The following NSD1 variants were observed in gnomAD, a reference collection of about 807,000 sequenced individuals.
The protein encoded by NSD1 is histone-lysine N-methyltransferase, H3 lysine-36 specific.
A neutral mutation model predicts 242.7 loss-of-function variants in NSD1; 26 were observed. That is an observed-to-expected ratio of 0.11 (90% CI 0.08 to 0.15). The LOEUF is 0.15. NSD1 is among the 10% of genes least tolerant of loss of function. The probability of loss-of-function intolerance (pLI) is 1.00; values close to 1 mark genes in which losing one functional copy is unlikely to be tolerated. For synonymous variants in NSD1, 1,106 were observed against 1,178.1 expected (o/e 0.94, Z 1.25); for missense variants, 2,495 against 3,272.8 (o/e 0.76, Z 5.80).
Position 177,256,980 on chromosome 5 carries a change from A to C in NSD1, c.4795A>C (p.Ser1599Arg). 1 of 1,614,062 alleles carries C rather than the reference A, an allele frequency of 6.2e-7. No homozygotes were observed. Among genetic ancestry groups the C allele is most frequent in the Non-Finnish European group, 8.5e-7 (1 of 1,179,982 alleles). ...GIHTCFVCKQ[S>R]GEDVKRCLLP... ...CCATACCTGTTTTGTATGTAAGCAGAGTGGGGAAGATGTTAAAAGGTGCCT... is the reference window on the plus strand; with the variant it reads ...CCATACCTGTTTTGTATGTAAGCAGCGTGGGGAAGATGTTAAAAGGTGCCT... Residue 1599 changes from serine to arginine, a missense_variant, in exon 13 of 23, where the codon AGT becomes CGT. By Grantham distance (110) the Ser-to-Arg change is moderately radical. Around this residue, in one of 19 missense-constraint regions of NSD1, gnomAD observed 27 missense variants for 43.1 expected, o/e 0.63. Coordinates refer to ENST00000439151, the MANE Select transcript of NSD1 (RefSeq NM_022455.5).
intron 2 of NSD1, 160 bp downstream of exon 2, chr5:177,136,190 TA>T: frequency 1.6e-6 from 1 of 641,700 alleles, no homozygotes; most frequent in Non-Finnish European, 2.7e-6. Context: ...CTTTGATTTT[TA>T]AATTTATCTC....
rs2149821331 is a variant in NSD1 at position 177,191,957 on chromosome 5, G to A, written c.1001G>A (p.Arg334His). The A allele has an allele frequency of 1.2e-6, 2 of 1,614,080 alleles. No homozygotes were observed. The highest frequency in any genetic ancestry group is 1.7e-6 in the Non-Finnish European group (2 of 1,179,974). Residue 334 changes from arginine to histidine, a missense_variant, in exon 3 of 23, where the codon CGC (arginine) becomes CAC (histidine). Transcript: ENST00000439151. ...GDLIWAKFKR[R>H]PWWPCRICSD... Reference sequence around the variant, plus strand: ...CTCATCTGGGCAAAATTCAAGAGACGCCCATGGTGGCCCTGCAGGATTTGT... The same window carrying A: ...CTCATCTGGGCAAAATTCAAGAGACACCCATGGTGGCCCTGCAGGATTTGT...
intron 4 of NSD1, among the ~76,000 whole-genome samples, chr5:177,209,256 G>T (rs1024610053): frequency 6.6e-6 from 1 of 151,632 alleles, no homozygotes; most frequent in Non-Finnish European, 1.5e-5. Flanking sequence ...GGCCGGGTGC[G>T]GTGGCTCATA....
chr5:177,174,222 G>A (rs1377709327), intron 2 of NSD1, among the ~76,000 whole-genome samples: 1 of 152,106 alleles, frequency 6.6e-6, no homozygotes, highest in Admixed American at 6.5e-5. Flanking sequence ...AAAATTAGCA[G>A]GGCGTGGTGG....
upstream of NSD1, among the ~76,000 whole-genome samples, chr5:177,132,814 G>C (rs1755966846): frequency 6.6e-6 from 1 of 152,060 alleles, no homozygotes; most frequent in African/African-American, 2.4e-5. This position sits in a 1 kb window ranked among gnomAD's most constrained non-coding sequence, Gnocchi z 7.5. Flanking sequence ...ATGGGGGGAG[G>C]GGGAAGGGAA....
chr5:177,288,734 T>G, intron 20 of NSD1, 85 bp from the exon 21 acceptor site: 1 of 949,892 alleles, frequency 1.1e-6, no homozygotes, highest in South Asian at 1.3e-5. Flanking sequence ...ATCTGTTCTC[T>G]TGGGAGTTGG....
chr5:177,238,651 G>T lies in NSD1; in HGVS notation c.4192+144G>T, dbSNP rs1390197331. On this transcript the variant is annotated intron_variant, in intron 7 of 22. Transcript: ENST00000439151. The surrounding 1 kb of genome is among the most constrained non-coding windows in gnomAD (Gnocchi z 4.6). ...GTCCTGGGAAATACTTAAAATGATG[G>T]TTAATTAGATATAGTTACTAACCAT... 30 of 912,918 alleles carry T rather than the reference G, an allele frequency of 3.3e-5. No homozygotes were observed. Among genetic ancestry groups the T allele is most frequent in the Non-Finnish European group, 4.3e-5 (25 of 578,468 alleles). 56.6% of individuals were successfully genotyped at this position (912,918 alleles called of 1,614,324 possible). A position where few individuals can be genotyped will look rare whatever the true frequency, so the allele number is the denominator to read the frequency against.
chr5:177,293,747 A>G, intron 22 of NSD1, 85 bp from the exon 23 acceptor site: 1 of 1,467,074 alleles, frequency 6.8e-7, no homozygotes, highest in Non-Finnish European at 9.5e-7. Flanking sequence ...GTCATCATCC[A>G]CACCTTCGGA....
intron 2 of NSD1, among the ~76,000 whole-genome samples, chr5:177,183,547 C>T (rs993604746): frequency 1.3e-5 from 2 of 152,090 alleles, no homozygotes; most frequent in Non-Finnish European, 2.9e-5. Context: ...TATTTTGGTA[C>T]AGACATGCAA....
At chr5:177,161,859 C>G (rs528990363) in intron 2 of NSD1, among the ~76,000 whole-genome samples, 19 of 151,946 alleles carry the variant, frequency 1.3e-4, no homozygotes, top group African/African-American at 4.6e-4. Context: ...CCATGTTGGC[C>G]GGGCTGTTCT....
chr5:177,195,100 C>A (rs1194269694), intron 3 of NSD1, among the ~76,000 whole-genome samples: 2 of 151,830 alleles, frequency 1.3e-5, no homozygotes, highest in African/African-American at 4.8e-5. Flanking sequence ...TGGAGGTTGC[C>A]GTGATCCAAG....
Position 177,294,577 on chromosome 5 carries a change from A to T in NSD1, c.7209A>T (p.Ser2403=). 1 of 1,614,220 alleles carries T rather than the reference A, an allele frequency of 6.2e-7. No individual in the cohort carries two copies. Among genetic ancestry groups the T allele is most frequent in the Non-Finnish European group, 8.5e-7 (1 of 1,180,040 alleles). The change falls in exon 23 of 23, where the codon TCA becomes TCT. Residue 2403 remains serine, a synonymous_variant. Transcript: ENST00000439151. ...LITSSPKPQT[S]DRPTDKPHAS... is the part of the protein sequence containing the mutation. Reference sequence around the variant, plus strand: ...CTAGCAGTCCCAAACCCCAGACTTCAGACAGGCCTACTGACAAACCCCATG... The same window carrying T: ...CTAGCAGTCCCAAACCCCAGACTTCTGACAGGCCTACTGACAAACCCCATG...
At chr5:177,173,490 T>C (rs1263703352) in intron 2 of NSD1, among the ~76,000 whole-genome samples, 40 of 140,864 alleles carry the variant, frequency 2.8e-4, no homozygotes, top group African/African-American at 1.0e-3. Context: ...TTTTTTTTTT[T>C]GCGACGGAGT....
chr5:177,141,565 A>T (rs1756825874), intron 2 of NSD1, among the ~76,000 whole-genome samples: 1 of 151,582 alleles, frequency 6.6e-6, no homozygotes, highest in Non-Finnish European at 1.5e-5. Flanking sequence ...CCTAACCTCA[A>T]GTGATCCACC....
intron 22 of NSD1, among the ~76,000 whole-genome samples, chr5:177,293,361 T>C (rs1759997158): frequency 6.6e-6 from 1 of 152,188 alleles, no homozygotes; most frequent in African/African-American, 2.4e-5. Context: ...TTTTTCATGA[T>C]TTTATATCTT....
intron 2 of NSD1, among the ~76,000 whole-genome samples, chr5:177,170,412 G>A (rs944497365): frequency 4.0e-5 from 6 of 150,946 alleles, no homozygotes; most frequent in African/African-American, 1.5e-4. Flanking sequence ...GTGCAGTGGC[G>A]TGATCTCGGC....
At chr5:177,233,260 G>A (rs1421782056) in intron 5 of NSD1, among the ~76,000 whole-genome samples, 1 of 151,818 alleles carries the variant, frequency 6.6e-6, no homozygotes, top group African/African-American at 2.4e-5. Flanking sequence ...GTAGAGATGG[G>A]GTCTCACTAT....
chr5:177,247,565 T>TA (rs397881704), intron 10 of NSD1, among the ~76,000 whole-genome samples: 10,641 of 133,468 alleles, frequency 0.08, 824 homozygotes, highest in African/African-American at 0.21. Flanking sequence ...TGTCTCTACT[T>TA]AAAAAAAAAA....
intron 5 of NSD1, among the ~76,000 whole-genome samples, chr5:177,217,110 C>T (rs1027869430): frequency 6.6e-6 from 1 of 151,868 alleles, no homozygotes; most frequent in Non-Finnish European, 1.5e-5. Flanking sequence ...GTAGGGATAT[C>T]TTAACAATAT....
Sources: allele counts gnomAD v4.1 joint callset (sites outside exome capture counted in the v4.1 genomes callset), GRCh38; gene constraint gnomAD v4.1.1; regional missense constraint gnomAD v4.1.1; non-coding constraint Gnocchi (gnomAD v3.1); transcripts MANE v1.5; gene names NCBI Gene and HGNC (gene_info 2026-07-23, HGNC 2026-07-21).